Variants in STAM2 observed in about 807,000 individuals in gnomAD.
The protein encoded by STAM2 is signal transducing adaptor molecule 2.
A neutral mutation model predicts 65.6 loss-of-function variants in STAM2; 51 were observed. The observed-to-expected ratio is 0.78, with a 90% confidence interval of 0.62 to 0.98. The LOEUF (loss-of-function observed/expected upper bound fraction) is 0.98, where lower values mean the gene tolerates loss of function less well. Among genes scored for constraint, STAM2 ranks in the 50% least tolerant of loss-of-function variants. STAM2 has a pLI of 0.00. For synonymous variants in STAM2, 198 were observed against 208.4 expected (o/e 0.95, Z 0.43); for missense variants, 584 against 617.8 (o/e 0.95, Z 0.58).
chr2:152,125,394 T>C (rs2105528747), intron 12 of STAM2, among the ~76,000 whole-genome samples: 1 of 152,370 alleles, frequency 6.6e-6, no homozygotes, highest in Middle Eastern at 3.4e-3. Context: ...ACCCACATTC[T>C]ACCCTTTCTC....
rs769788232 is a variant in STAM2, at chr2:152,148,074, C to A, written c.250G>T (p.Val84Leu). The change falls in exon 4 of 14, where the codon GTA (valine) becomes TTA (leucine). Residue 84 changes from valine (V) to leucine (L), a missense_variant. By Grantham distance (32) the Val-to-Leu change is conservative. Coordinates refer to ENST00000263904, the MANE Select transcript of STAM2 (RefSeq NM_005843.6). ...ANCGKIFHLE[V>L]CSRDFATEVR... Reference sequence around the variant, plus strand: ...TCTGTTGCAAAATCACGGGAACATACTTCTAAATGAAATATCTTTCCACAG... The same window carrying A: ...TCTGTTGCAAAATCACGGGAACATAATTCTAAATGAAATATCTTTCCACAG... The A allele has an allele frequency of 1.2e-6, 2 of 1,610,952 alleles. No individual in the cohort carries two copies. The highest frequency in any genetic ancestry group is 2.2e-5 in the East Asian group (1 of 44,754).
intron 13 of STAM2, among the ~76,000 whole-genome samples, chr2:152,121,615 G>A (rs1264369694): frequency 6.6e-6 from 1 of 152,040 alleles, no homozygotes; most frequent in Non-Finnish European, 1.5e-5. Context: ...TCTGTATAGG[G>A]CCCAAAATCA....
At chr2:152,150,280 C>A in intron 1 of STAM2, 51 bp from the exon 2 acceptor site, 1 of 1,170,518 alleles carries the variant, frequency 8.5e-7, no homozygotes, top group South Asian at 1.3e-5. Flanking sequence ...TCATATAACA[C>A]TAAAATACCA....
Position 152,132,125 on chromosome 2 carries a change from T to C in STAM2, c.1014A>G (p.Glu338=). ...QMGPMIDEKL[E]EIDRKHSELS... Reference sequence around the variant, plus strand: ...ACGAAAAATCTCACCTATCAATTTCTTCAAGTTTTTCATCTATCATTGGAC... The same window carrying C: ...ACGAAAAATCTCACCTATCAATTTCCTCAAGTTTTTCATCTATCATTGGAC... Residue 338 remains glutamate (E), a synonymous_variant, in exon 11 of 14, where the codon GAA becomes GAG. Coordinates refer to ENST00000263904, the MANE Select transcript of STAM2 (RefSeq NM_005843.6). The C allele has an allele frequency of 6.2e-7, 1 of 1,611,792 alleles. No homozygotes were observed. Among genetic ancestry groups the C allele is most frequent in the South Asian group, 1.1e-5 (1 of 90,908 alleles).
At position 152,117,512 on chromosome 2, in the gene STAM2, A is replaced by T. The variant is rs1192777016; in HGVS notation, c.*3062T>A. 6.6e-6 allele frequency: 1 copy of T among 152,204 alleles called. No homozygotes were observed. The highest frequency in any genetic ancestry group is 1.9e-4 in the East Asian group (1 of 5,196). 9.4% of individuals were successfully genotyped at this position (152,204 alleles called of 1,614,324 possible). A position where few individuals can be genotyped will look rare whatever the true frequency, so the allele number is the denominator to read the frequency against. ...TTAATTTTTGAAAGAAAATTAAACC[A>T]AACAAAAATCAAATCCCTAAAACTG... On this transcript the variant is annotated 3_prime_UTR_variant, in exon 14 of 14. Transcript: ENST00000263904.
intron 1 of STAM2, among the ~76,000 whole-genome samples, chr2:152,152,466 G>A (rs547538329): frequency 5.9e-5 from 9 of 151,880 alleles, no homozygotes; most frequent in South Asian, 2.1e-4. Flanking sequence ...GGAGAATGGC[G>A]TGAACCCGGG....
chr2:152,159,110 T>TATATAC (rs575009275), intron 1 of STAM2, among the ~76,000 whole-genome samples: 2 of 129,268 alleles, frequency 1.5e-5, no homozygotes, highest in African/African-American at 6.5e-5. Flanking sequence ...TATATATATA[T>TATATAC]ACACACACAG....
In STAM2 at chr2:152,120,763, G is replaced by C. The variant is rs773766805; in HGVS notation, c.1389C>G (p.Asn463Lys). 1.9e-6 allele frequency: 3 copies of C among 1,614,106 alleles called. No homozygotes were observed. The highest frequency in any genetic ancestry group is 1.1e-5 in the South Asian group (1 of 91,074). Residue 463 changes from asparagine (N) to lysine (K), a missense_variant, in exon 14 of 14, where the codon AAC (asparagine) becomes AAG (lysine). Physicochemically the swap from Asn to Lys is moderately conservative, Grantham distance 94 (BLOSUM62 0). Transcript: ENST00000263904. Reference protein sequence around the residue: ...QDTVSNPTYMNQNSNLQSATG... With the variant: ...QDTVSNPTYMKQNSNLQSATG... ...TAGCTGACTGTAGGTTAGAGTTCTGGTTCATATAAGTAGGATTGGAAACAG... is the reference window on the plus strand; with the variant it reads ...TAGCTGACTGTAGGTTAGAGTTCTGCTTCATATAAGTAGGATTGGAAACAG...
Position 152,126,209 on chromosome 2 carries a change from T to C in STAM2, c.1179+17A>G. ...GTTGTTTATAATTTAGAAAATGTTC[T>C]CAAAAAACATGCTCACCTGCATTGG... On this transcript the variant is annotated intron_variant, in intron 12 of 13. Coordinates refer to ENST00000263904, the MANE Select transcript of STAM2 (RefSeq NM_005843.6). The C allele has an allele frequency of 6.4e-7, 1 of 1,551,582 alleles. No individual in the cohort carries two copies. Among genetic ancestry groups the C allele is most frequent in the Non-Finnish European group, 8.7e-7 (1 of 1,154,614 alleles).
At chr2:152,121,258 G>A (rs1370386383) in intron 13 of STAM2, among the ~76,000 whole-genome samples, 3 of 152,192 alleles carry the variant, frequency 2.0e-5, no homozygotes, top group Non-Finnish European at 4.4e-5. Flanking sequence ...ACAGGCATGA[G>A]CCACCATGCC....
At chr2:152,159,381 GAATT>G (rs964330482) in intron 1 of STAM2, among the ~76,000 whole-genome samples, 9 of 151,824 alleles carry the variant, frequency 5.9e-5, no homozygotes, top group African/African-American at 1.9e-4. Context: ...TAAATGAGTA[GAATT>G]AATTTGCATA....
intron 1 of STAM2, among the ~76,000 whole-genome samples, chr2:152,160,074 G>C (rs76719263): frequency 6.6e-6 from 1 of 152,182 alleles, no homozygotes; most frequent in Non-Finnish European, 1.5e-5. Flanking sequence ...GATCTCGGCT[G>C]GCTACAACCT....
intron 6 of STAM2, 138 bp from the exon 7 acceptor site, chr2:152,144,151 G>A (rs1402996227): frequency 1.5e-6 from 1 of 660,724 alleles, no homozygotes; most frequent in East Asian, 3.1e-5. Flanking sequence ...CTTTCGGGAG[G>A]GTGGGGCAGG....
At chr2:152,147,456 T>C (rs892520343) in intron 4 of STAM2, 148 bp from the exon 5 acceptor site, 3 of 690,374 alleles carry the variant, frequency 4.3e-6, no homozygotes, top group African/African-American at 3.7e-5. Context: ...AGTTGAGTAA[T>C]TGATAGATGC....
chr2:152,171,178 G>T (rs1457541534), intron 1 of STAM2, among the ~76,000 whole-genome samples: 1 of 152,088 alleles, frequency 6.6e-6, no homozygotes, highest in Non-Finnish European at 1.5e-5. Context: ...ATGGGATCAG[G>T]TAGCTGCTAA....
chr2:152,158,869 G>C (rs1456010292), intron 1 of STAM2, among the ~76,000 whole-genome samples: 1 of 151,610 alleles, frequency 6.6e-6, no homozygotes, highest in Non-Finnish European at 1.5e-5. Context: ...ATTCACGAAG[G>C]AGGTACTCTC....
chr2:152,146,012 G>A (rs749169836), intron 5 of STAM2, among the ~76,000 whole-genome samples: 10 of 152,098 alleles, frequency 6.6e-5, no homozygotes, highest in Non-Finnish European at 1.5e-4. Flanking sequence ...GCTCATGCCT[G>A]TAATCCCAGC....
At chr2:152,123,688 A>G in intron 13 of STAM2, 78 bp downstream of exon 13, 4 of 1,349,874 alleles carry the variant, frequency 3.0e-6, no homozygotes, top group South Asian at 2.6e-5. Flanking sequence ...CTTCATCTTA[A>G]TAAGGGTCTA....
chr2:152,118,082 G>A lies in STAM2; in HGVS notation c.*2492C>T, dbSNP rs566729690. The A allele has an allele frequency of 3.9e-5, 6 of 152,014 alleles. No homozygotes were observed. In the South Asian group the frequency reaches 1.2e-3, roughly 32 times the overall value. 9.4% of individuals were successfully genotyped at this position (152,014 alleles called of 1,614,324 possible). A position where few individuals can be genotyped will look rare whatever the true frequency, so the allele number is the denominator to read the frequency against. On this transcript the variant is annotated 3_prime_UTR_variant, in exon 14 of 14. Coordinates refer to ENST00000263904, the MANE Select transcript of STAM2 (RefSeq NM_005843.6). ...AAATTCATTCTATTATAAATTTTCA[G>A]GAATTCTTTCTGATGTACCAAGATT...
Sources: allele counts gnomAD v4.1 joint callset (sites outside exome capture counted in the v4.1 genomes callset), GRCh38; gene constraint gnomAD v4.1.1; transcripts MANE v1.5; gene names NCBI Gene and HGNC (gene_info 2026-07-23, HGNC 2026-07-21).